Variants in DERL2 observed in about 807,000 individuals in gnomAD.
DERL2 encodes derlin-2.
DERL2 carries 13 observed loss-of-function variants against 32.0 expected under a neutral mutation model. That is an observed-to-expected ratio of 0.41 (90% CI 0.26 to 0.65). The LOEUF (loss-of-function observed/expected upper bound fraction) is 0.65, where lower values mean the gene tolerates loss of function less well. Among genes scored for constraint, DERL2 ranks in the 30% least tolerant of loss-of-function variants. DERL2 has a pLI of 0.35. For missense variants in DERL2, 208 were observed against 296.3 expected (o/e 0.70, Z 2.19); for synonymous variants, 111 against 104.7 (o/e 1.06, Z -0.37).
intron 4 of DERL2, 158 bp from the exon 5 acceptor site, chr17:5,480,740 C>T (rs1905721995): frequency 1.7e-6 from 1 of 588,818 alleles, no homozygotes; most frequent in South Asian, 5.0e-5. Flanking sequence ...AATAATTACC[C>T]AGAGCAATCA....
At chr17:5,479,887 T>C (rs1905656242) in intron 6 of DERL2, among the ~76,000 whole-genome samples, 167 bp downstream of exon 6, 1 of 152,146 alleles carries the variant, frequency 6.6e-6, no homozygotes, top group South Asian at 2.1e-4. Flanking sequence ...CACTGTCTGC[T>C]CCTACCCAGT....
In DERL2 at chr17:5,474,835, G is replaced by A. The variant is rs1905287496; in HGVS notation, c.615-46C>T. On this transcript the variant is annotated intron_variant, in intron 6 of 6. Transcript: ENST00000158771. This position sits in a 1 kb window ranked among gnomAD's most constrained non-coding sequence, Gnocchi z 4.3. ...ATAATTTGGTCCCAGAGTCATCTCA[G>A]GTCCAAAGTACTACAAGGTCAGTTC... 3 of 1,500,172 alleles carry A rather than the reference G, an allele frequency of 2.0e-6. No homozygotes were observed. The highest frequency in any genetic ancestry group is 2.8e-6 in the Non-Finnish European group (3 of 1,082,290). The allele number at this position is 1,500,172 out of a possible 1,614,324, so 92.9% of individuals were successfully genotyped here.
intron 3 of DERL2, 131 bp downstream of exon 3, chr17:5,482,677 CT>C: frequency 1.7e-6 from 1 of 599,246 alleles, no homozygotes; most frequent in South Asian, 1.8e-5. Flanking sequence ...TAAGCAACTA[CT>C]TTATGTACCA....
At chr17:5,475,905 G>A (rs1259920300) in intron 6 of DERL2, among the ~76,000 whole-genome samples, 2 of 152,186 alleles carry the variant, frequency 1.3e-5, no homozygotes, top group African/African-American at 4.8e-5. Flanking sequence ...AAAATAGAAT[G>A]GTGATGGCTG....
chr17:5,479,496 T>TAAAAAA (rs11306765), intron 6 of DERL2, among the ~76,000 whole-genome samples: 41 of 69,414 alleles, frequency 5.9e-4, no homozygotes, highest in African/African-American at 8.7e-4. Context: ...AGACTCCATG[T>TAAAAAA]AAAAAAAAAA....
At chr17:5,475,402 G>GGCGCCCGCCACC (rs1253169933) in intron 6 of DERL2, among the ~76,000 whole-genome samples, 1 of 151,818 alleles carries the variant, frequency 6.6e-6, no homozygotes, top group Non-Finnish European at 1.5e-5. Flanking sequence ...TGGGATTACA[G>GGCGCCCGCCACC]GCGCCCGCCA....
chr17:5,485,081 G>A, intron 2 of DERL2, 70 bp downstream of exon 2: 1 of 1,151,186 alleles, frequency 8.7e-7, no homozygotes. Context: ...GTGTATAACA[G>A]GATTTGCTAC....
At chr17:5,477,211 T>G (rs1905453445) in intron 6 of DERL2, among the ~76,000 whole-genome samples, 1 of 151,922 alleles carries the variant, frequency 6.6e-6, no homozygotes, top group African/African-American at 2.4e-5. Flanking sequence ...CACAGATGAG[T>G]CTCAAAAACA....
At chr17:5,476,776 G>A (rs757728459) in intron 6 of DERL2, among the ~76,000 whole-genome samples, 61 of 152,022 alleles carry the variant, frequency 4.0e-4, no homozygotes, top group Non-Finnish European at 7.8e-4. Context: ...GCAAGAATCC[G>A]TTTCAAAAAA....
intron 6 of DERL2, 114 bp downstream of exon 6, chr17:5,479,940 T>C: frequency 3.1e-6 from 2 of 648,216 alleles, no homozygotes; most frequent in East Asian, 5.4e-5. Context: ...AATCTGCAAA[T>C]GGTTACTGAC....
rs1905264183 is a variant in DERL2, at chr17:5,474,449, C to T, written c.*235G>A. 1 of 415,076 alleles carries T rather than the reference C, an allele frequency of 2.4e-6. No individual in the cohort carries two copies. The highest frequency in any genetic ancestry group is 4.3e-6 in the Non-Finnish European group (1 of 234,074). 25.7% of individuals were successfully genotyped at this position (415,076 alleles called of 1,614,324 possible). On this transcript the variant is annotated 3_prime_UTR_variant, in exon 7 of 7. Transcript: ENST00000158771. The surrounding 1 kb of genome is among the most constrained non-coding windows in gnomAD (Gnocchi z 4.3). ...GTTAGAGGTGGCAGGATATTTGTTTCTCCAGTTTTTTGGCTCTAAGAAATT... is the reference window on the plus strand; with the variant it reads ...GTTAGAGGTGGCAGGATATTTGTTTTTCCAGTTTTTTGGCTCTAAGAAATT...
chr17:5,476,717 G>A (rs1176840813), intron 6 of DERL2, among the ~76,000 whole-genome samples: 4 of 152,298 alleles, frequency 2.6e-5, no homozygotes, highest in Admixed American at 6.5e-5. Flanking sequence ...GGAGGCGGAG[G>A]TTGCAGTGAG....
rs779688138 is a variant in DERL2 at position 5,480,545 on chromosome 17, T to G, written c.365A>C (p.Gln122Pro). 6.4e-7 allele frequency: 1 copy of G among 1,555,300 alleles called. No homozygotes were observed. The highest frequency in any genetic ancestry group is 8.6e-7 in the Non-Finnish European group (1 of 1,158,788). ...ATAGACGAGCATTATTGTAAAGGCC[T>G]GGCCCAAGAAAACTAAGCTCACAAA... The part of the protein sequence containing the change: ...GLFVSLVFLG[Q>P]AFTIMLVYVW... Residue 122 changes from glutamine to proline, a missense_variant, in exon 5 of 7, where the codon CAG (glutamine) becomes CCG (proline). Gln to Pro is a moderately conservative substitution (Grantham distance 76). Around this residue, in one of 3 missense-constraint regions of DERL2, gnomAD observed 124 missense variants for 215.3 expected, o/e 0.58. Coordinates refer to ENST00000158771, the MANE Select transcript of DERL2 (RefSeq NM_016041.5).
intron 1 of DERL2, 93 bp from the exon 2 acceptor site, chr17:5,485,309 T>A: frequency 1.2e-6 from 1 of 854,070 alleles, no homozygotes; most frequent in Non-Finnish European, 1.8e-6. Context: ...TTTCCAACTC[T>A]CGGTCACTTA....
chr17:5,473,257 G>A lies in DERL2; in HGVS notation c.*1427C>T, dbSNP rs1249212535. 6.6e-6 allele frequency: 1 copy of A among 152,132 alleles called. No individual in the cohort carries two copies. Among genetic ancestry groups the A allele is most frequent in the Non-Finnish European group, 1.5e-5 (1 of 68,032 alleles). 9.4% of individuals were successfully genotyped at this position (152,132 alleles called of 1,614,324 possible). A position where few individuals can be genotyped will look rare whatever the true frequency, so the allele number is the denominator to read the frequency against. ...GCTGTTTGGAATCATCTCTTTCCTA[G>A]GGGTGCTCTTTCGACTCTTCCAGGT... On this transcript the variant is annotated 3_prime_UTR_variant, in exon 7 of 7. Coordinates refer to ENST00000158771, the MANE Select transcript of DERL2 (RefSeq NM_016041.5).
Position 5,473,855 on chromosome 17 carries a change from T to TC in DERL2, c.*828dup, listed in dbSNP as rs2151698404. The TC allele has an allele frequency of 6.6e-6, 1 of 152,240 alleles. No individual in the cohort carries two copies. Among genetic ancestry groups the TC allele is most frequent in the Admixed American group, 6.5e-5 (1 of 15,288 alleles). The allele number at this position is 152,240 out of a possible 1,614,324, so 9.4% of individuals were successfully genotyped here. A position where few individuals can be genotyped will look rare whatever the true frequency, so the allele number is the denominator to read the frequency against. ...GAAAAAAAAAGTCTAATGAAAATCT[T>TC]CCTAGTTTTACAAAAATGTGGCCCT... On this transcript the variant is annotated 3_prime_UTR_variant, in exon 7 of 7. Transcript: ENST00000158771.
In DERL2 at chr17:5,472,829, T is replaced by C. The variant is rs1411413816; in HGVS notation, c.*1855A>G. The C allele has an allele frequency of 1.3e-5, 2 of 151,976 alleles. No individual in the cohort carries two copies. Among genetic ancestry groups the C allele is most frequent in the African/African-American group, 4.8e-5 (2 of 41,404 alleles). 9.4% of individuals were successfully genotyped at this position (151,976 alleles called of 1,614,324 possible). A position where few individuals can be genotyped will look rare whatever the true frequency, so the allele number is the denominator to read the frequency against. Reference sequence around the variant, plus strand: ...AACAAACGTCACTGATAAAGCGTTCTTGAGCAAAAACAAGATAGGATAAAA... The same window carrying C: ...AACAAACGTCACTGATAAAGCGTTCCTGAGCAAAAACAAGATAGGATAAAA... On this transcript the variant is annotated 3_prime_UTR_variant, in exon 7 of 7. Coordinates refer to ENST00000158771, the MANE Select transcript of DERL2 (RefSeq NM_016041.5).
At position 5,481,058 on chromosome 17, in the gene DERL2, C is replaced by A; in HGVS notation, c.327+238G>T. 1 of 563,034 alleles carries A rather than the reference C, an allele frequency of 1.8e-6. No homozygotes were observed. The highest frequency in any genetic ancestry group is 3.1e-6 in the Non-Finnish European group (1 of 322,482). The allele number at this position is 563,034 out of a possible 1,614,324, so 34.9% of individuals were successfully genotyped here. ...CAACTTAGTTTAAAAGTGAAGTACG[C>A]CAAGCAGTAATGATATAACTGAGTT... is the stretch of plus-strand genomic sequence containing the variant. On this transcript the variant is annotated intron_variant, in intron 4 of 6. Coordinates refer to ENST00000158771, the MANE Select transcript of DERL2 (RefSeq NM_016041.5). The surrounding 1 kb of genome is among the most constrained non-coding windows in gnomAD (Gnocchi z 4.4).
At chr17:5,475,694 A>G (rs1298853697) in intron 6 of DERL2, among the ~76,000 whole-genome samples, 12 of 152,098 alleles carry the variant, frequency 7.9e-5, no homozygotes, top group Non-Finnish European at 1.5e-5. Flanking sequence ...GGTTACAGTG[A>G]GCTGAGACTG....
Sources: allele counts gnomAD v4.1 joint callset (sites outside exome capture counted in the v4.1 genomes callset), GRCh38; gene constraint gnomAD v4.1.1; regional missense constraint gnomAD v4.1.1; non-coding constraint Gnocchi (gnomAD v3.1); transcripts MANE v1.5; gene names NCBI Gene and HGNC (gene_info 2026-07-23, HGNC 2026-07-21).